HS3ST5: variants seen among roughly 807,000 people sequenced by gnomAD.
HS3ST5 encodes heparan sulfate glucosamine 3-O-sulfotransferase 5.
Under a neutral mutation model 25.4 loss-of-function variants are expected in HS3ST5, and 10 were observed. The observed-to-expected ratio is 0.39, with a 90% CI of 0.24 to 0.67. The LOEUF (loss-of-function observed/expected upper bound fraction) is 0.67, where lower values mean the gene tolerates loss of function less well. Ranked by LOEUF, HS3ST5 falls within the 30% of genes least tolerant of loss-of-function variation. The pLI, the probability that HS3ST5 is intolerant of heterozygous loss-of-function variation, is 0.44. For synonymous variants in HS3ST5, 170 were observed against 162.4 expected, an observed-to-expected ratio of 1.05 and a Z score of -0.36; for missense variants, 324 against 420.7, an observed-to-expected ratio of 0.77 and a Z score of 2.01.
At chr6:114,218,213 G>T (rs1445222561) in intron 2 of HS3ST5, among the ~76,000 whole-genome samples, 1 of 152,102 alleles carries the variant, frequency 6.6e-6, no homozygotes, top group Non-Finnish European at 1.5e-5. Flanking sequence ...GGCCAGGCTG[G>T]TCTCAAACCC....
At chr6:114,147,379 T>A (rs979437817) in intron 3 of HS3ST5, among the ~76,000 whole-genome samples, 4 of 152,140 alleles carry the variant, frequency 2.6e-5, no homozygotes, top group African/African-American at 9.7e-5. Context: ...CCACATCACT[T>A]AAGAGGGTTG....
At chr6:114,086,200 G>A (rs959198458) in intron 3 of HS3ST5, among the ~76,000 whole-genome samples, 10 of 152,110 alleles carry the variant, frequency 6.6e-5, no homozygotes, top group Non-Finnish European at 1.3e-4. Context: ...TTTGCAGATT[G>A]TAATTAATGT....
intron 3 of HS3ST5, among the ~76,000 whole-genome samples, chr6:114,167,896 A>G (rs1382342472): frequency 6.6e-6 from 1 of 152,164 alleles, no homozygotes; most frequent in African/African-American, 2.4e-5. Flanking sequence ...GTGACCTTTG[A>G]GTTTGTTTGG....
chr6:114,226,484 C>T (rs1771295164), intron 2 of HS3ST5, among the ~76,000 whole-genome samples: 1 of 151,896 alleles, frequency 6.6e-6, no homozygotes, highest in African/African-American at 2.4e-5. Flanking sequence ...CACTTAACTT[C>T]CCCTTGTTGA....
At chr6:114,161,571 AT>A (rs1778973259) in intron 3 of HS3ST5, among the ~76,000 whole-genome samples, 4 of 107,614 alleles carry the variant, frequency 3.7e-5, no homozygotes, top group South Asian at 3.0e-4. Flanking sequence ...ATATATATAT[AT>A]ATAAAATGCA....
intron 3 of HS3ST5, among the ~76,000 whole-genome samples, chr6:114,128,542 G>A (rs1385899057): frequency 6.6e-6 from 1 of 152,092 alleles, no homozygotes; most frequent in East Asian, 1.9e-4. Context: ...CGATCTCAGA[G>A]AAAAATTAAT....
At chr6:114,318,442 AT>A (rs573415390) in intron 1 of HS3ST5, among the ~76,000 whole-genome samples, 11 of 151,934 alleles carry the variant, frequency 7.2e-5, no homozygotes, top group African/African-American at 2.2e-4. Context: ...CTTTAAGTAG[AT>A]TTTTTTTAAT....
intron 3 of HS3ST5, 60 bp from the exon 4 acceptor site, chr6:114,062,937 C>T: frequency 1.0e-6 from 1 of 953,470 alleles, no homozygotes; most frequent in Admixed American, 2.0e-5. Flanking sequence ...TGTCACAGAG[C>T]TAAGCAGAGG....
intron 2 of HS3ST5, among the ~76,000 whole-genome samples, chr6:114,227,494 T>G: frequency 6.6e-6 from 1 of 151,978 alleles, no homozygotes; most frequent in East Asian, 1.9e-4. Context: ...AAAAAACCTT[T>G]TGTAAACTTA....
intron 1 of HS3ST5, among the ~76,000 whole-genome samples, chr6:114,336,349 C>G (rs927930814): frequency 6.6e-6 from 1 of 152,202 alleles, no homozygotes; most frequent in Non-Finnish European, 1.5e-5. Context: ...TGGCTCACGC[C>G]GGTAATCCCA....
In HS3ST5 at chr6:114,342,434, G is replaced by A. The variant is rs1395871770; in HGVS notation, c.-578C>T. The A allele has an allele frequency of 1.5e-5, 3 of 193,966 alleles. No homozygotes were observed. Among genetic ancestry groups the A allele is most frequent in the Non-Finnish European group, 3.0e-5 (3 of 99,490 alleles). 12.0% of individuals were successfully genotyped at this position (193,966 alleles called of 1,614,324 possible). Reference sequence around the variant, plus strand: ...GCCCCACACGCAGGCGGCGGCGGCGGCGGCGGCGGCGGCGAGGTCTGAGGC... The same window carrying A: ...GCCCCACACGCAGGCGGCGGCGGCGACGGCGGCGGCGGCGAGGTCTGAGGC... On this transcript the variant is annotated 5_prime_UTR_variant, in exon 1 of 5. Coordinates refer to ENST00000312719, the MANE Select transcript of HS3ST5 (RefSeq NM_153612.4).
At chr6:114,074,315 A>G (rs1332660007) in intron 3 of HS3ST5, among the ~76,000 whole-genome samples, 2 of 152,026 alleles carry the variant, frequency 1.3e-5, no homozygotes, top group Non-Finnish European at 2.9e-5. Context: ...GAGCAAAAAA[A>G]AAAAGGCCAT....
chr6:114,199,951 C>T (rs140372338), intron 2 of HS3ST5, among the ~76,000 whole-genome samples: 2 of 152,228 alleles, frequency 1.3e-5, no homozygotes, highest in African/African-American at 2.4e-5. Context: ...CGGTGGCTCA[C>T]GCCTGTGTTC....
At chr6:114,230,085 C>CAAA (rs1771505047) in intron 1 of HS3ST5, 1 of 141,370 alleles carries the variant, frequency 7.1e-6, no homozygotes, top group Admixed American at 7.2e-5. Context: ...GATGCAGAGT[C>CAAA]AAAAACAGCC....
intron 1 of HS3ST5, among the ~76,000 whole-genome samples, chr6:114,337,342 C>G (rs1776649402): frequency 6.6e-6 from 1 of 152,132 alleles, no homozygotes; most frequent in African/African-American, 2.4e-5. Context: ...CAAGTCTGAG[C>G]AGAATAAGTC....
intron 1 of HS3ST5, among the ~76,000 whole-genome samples, chr6:114,291,147 G>T (rs1162965327): frequency 6.6e-6 from 1 of 151,998 alleles, no homozygotes; most frequent in Non-Finnish European, 1.5e-5. Flanking sequence ...ATCACAGTTG[G>T]GTTCAGTCCC....
chr6:114,079,776 C>T (rs933783388), intron 3 of HS3ST5, among the ~76,000 whole-genome samples: 1 of 152,048 alleles, frequency 6.6e-6, no homozygotes, highest in South Asian at 2.1e-4. Flanking sequence ...CTTTTCTTTT[C>T]TTTTCTTTTT....
At chr6:114,062,490 T>C (rs1773185372) in intron 4 of HS3ST5, among the ~76,000 whole-genome samples, 1 of 152,202 alleles carries the variant, frequency 6.6e-6, no homozygotes, top group Non-Finnish European at 1.5e-5. Context: ...CACAGCTTTA[T>C]CCCTTTCCTG....
intron 1 of HS3ST5, among the ~76,000 whole-genome samples, chr6:114,309,992 G>T (rs888980353): frequency 1.4e-4 from 21 of 152,112 alleles, no homozygotes; most frequent in African/African-American, 5.1e-4. Context: ...TTTCATTAAG[G>T]TCTTCAGGGT....
Sources: allele counts gnomAD v4.1 joint callset (sites outside exome capture counted in the v4.1 genomes callset), GRCh38; gene constraint gnomAD v4.1.1; transcripts MANE v1.5; gene names NCBI Gene and HGNC (gene_info 2026-07-23, HGNC 2026-07-21).